The following AHCTF1 variants were observed in gnomAD, a reference collection of about 807,000 sequenced individuals.
AHCTF1 encodes the protein AT-hook containing transcription factor 1.
AHCTF1 carries 24 observed loss-of-function variants against 248.4 expected under a neutral mutation model. The ratio of observed to expected loss-of-function variants is 0.10; its 90% confidence interval spans 0.07 to 0.14. AHCTF1 has a LOEUF of 0.14. AHCTF1 is among the 10% of genes least tolerant of loss of function. AHCTF1 has a pLI of 1.00. For synonymous variants in AHCTF1, 786 were observed against 929.8 expected (o/e 0.85, Z 2.81); for missense variants, 2,206 against 2,636.2 (o/e 0.84, Z 3.57).
At position 246,851,218 on chromosome 1, in the gene AHCTF1, C is replaced by T. The variant is rs775867832; in HGVS notation, c.4788G>A (p.Leu1596=). 1.2e-6 allele frequency: 2 copies of T among 1,613,914 alleles called. No individual in the cohort carries two copies. Among genetic ancestry groups the T allele is most frequent in the East Asian group, 4.5e-5 (2 of 44,870 alleles). ...GCTCAACTTCTCCTTCTTCACCTTC[C>T]AATATCAAGGTAAAGTTGCTTTGAG... ...FVAQSNFTLI[L]EGEEGEVEPG... The change falls in exon 33 of 36, where the codon TTG becomes TTA. Residue 1596 remains leucine (L), a synonymous_variant. Coordinates refer to ENST00000648844, the MANE Select transcript of AHCTF1 (RefSeq NM_001323342.2).
Position 246,885,678 on chromosome 1 carries a change from A to G in AHCTF1, c.2475T>C (p.Ser825=). The G allele has an allele frequency of 6.2e-7, 1 of 1,607,008 alleles. No individual in the cohort carries two copies. The highest frequency in any genetic ancestry group is 8.5e-7 in the Non-Finnish European group (1 of 1,175,858). Reference sequence around the variant, plus strand: ...CTGGATGAAACAAAAGATCCAAACCACTCTGGAAATAACATGAAAAATGTT... The same window carrying G: ...CTGGATGAAACAAAAGATCCAAACCGCTCTGGAAATAACATGAAAAATGTT... ...FWLIDHNDYE[S]GLDLLFHPAT... The change falls in exon 21 of 36, where the codon AGT becomes AGC. Residue 825 remains serine (S), a splice_region_variant and synonymous_variant. Transcript: ENST00000648844.
chr1:246,858,628 GA>G (rs559822556), intron 29 of AHCTF1, among the ~76,000 whole-genome samples: 71 of 151,682 alleles, frequency 4.7e-4, no homozygotes, highest in African/African-American at 1.7e-3. Context: ...AGGAGTTCGA[GA>G]CCAGCCTGGC....
intron 19 of AHCTF1, 111 bp from the exon 20 acceptor site, chr1:246,887,468 GT>G: frequency 1.9e-6 from 2 of 1,081,034 alleles, no homozygotes; most frequent in Non-Finnish European, 2.6e-6. Flanking sequence ...TGAAATGCCT[GT>G]TTTTAGTGTT....
chr1:246,853,381 C>T, intron 31 of AHCTF1, 82 bp from the exon 32 acceptor site: 1 of 1,110,210 alleles, frequency 9.0e-7, no homozygotes, highest in Non-Finnish European at 1.3e-6. Context: ...AAGGAAAAGG[C>T]TACACTGCAC....
rs779507700 is a variant in AHCTF1 at position 246,913,423 on chromosome 1, T to C, written c.376-11A>G. 1 of 1,590,596 alleles carries C rather than the reference T, an allele frequency of 6.3e-7. No individual in the cohort carries two copies. Among genetic ancestry groups the C allele is most frequent in the Admixed American group, 1.8e-5 (1 of 56,114 alleles). ...TTCAATAGCTGTTACCTAGAAAACA[T>C]AATACGTGATTTGCTTTTCTTCTGC... is the stretch of plus-strand genomic sequence containing the variant. On this transcript the variant is annotated splice_polypyrimidine_tract_variant and intron_variant, in intron 3 of 35. Transcript: ENST00000648844.
chr1:246,901,546 C>T (rs889306216), intron 8 of AHCTF1, among the ~76,000 whole-genome samples: 1 of 152,170 alleles, frequency 6.6e-6, no homozygotes, highest in African/African-American at 2.4e-5. Flanking sequence ...ATGGCATGAA[C>T]CCCGGAGGCG....
At chr1:246,868,608 T>C (rs921875909) in intron 24 of AHCTF1, among the ~76,000 whole-genome samples, 2 of 99,484 alleles carry the variant, frequency 2.0e-5, no homozygotes, top group African/African-American at 1.5e-4. Flanking sequence ...TTTTGGTAAG[T>C]GGTAAAAAAA....
At chr1:246,872,352 C>T (rs375642977) in intron 24 of AHCTF1, among the ~76,000 whole-genome samples, 2 of 151,996 alleles carry the variant, frequency 1.3e-5, no homozygotes, top group African/African-American at 4.8e-5. Context: ...GCCCCAGGAC[C>T]CAAAAACTTC....
At chr1:246,871,614 C>T (rs922631532) in intron 24 of AHCTF1, among the ~76,000 whole-genome samples, 4 of 152,202 alleles carry the variant, frequency 2.6e-5, no homozygotes, top group Admixed American at 2.0e-4. Flanking sequence ...CTCTGTGAAC[C>T]CTGACTAGAT....
intron 1 of AHCTF1, 141 bp from the exon 2 acceptor site, chr1:246,918,518 A>T (rs1221591684): frequency 1.2e-6 from 1 of 846,620 alleles, no homozygotes; most frequent in Non-Finnish European, 1.7e-6. Flanking sequence ...CATATTGGCC[A>T]GATGCGGAGG....
intron 31 of AHCTF1, 64 bp downstream of exon 31, chr1:246,855,666 C>T (rs990775564): frequency 1.6e-5 from 21 of 1,282,640 alleles, no homozygotes; most frequent in Non-Finnish European, 2.2e-5. Flanking sequence ...GTTCTAAGAA[C>T]AGAAAACTCT....
rs767247666 is a variant in AHCTF1, at chr1:246,876,990, G to C, written c.2897C>G (p.Pro966Arg). Reference sequence around the variant, plus strand: ...CAGAGTTTGGTTCAGCTTCAAGGCAGGCACATAATTGGCACGCTGCAAATG... The same window carrying C: ...CAGAGTTTGGTTCAGCTTCAAGGCACGCACATAATTGGCACGCTGCAAATG... ...VHHLQRANYV[P>R]ALKLNQTLKI... The change falls in exon 23 of 36, where the codon CCT becomes CGT. Residue 966 changes from proline (P) to arginine (R), a missense_variant. Coordinates refer to ENST00000648844, the MANE Select transcript of AHCTF1 (RefSeq NM_001323342.2). The C allele has an allele frequency of 6.2e-7, 1 of 1,612,044 alleles. No homozygotes were observed. The highest frequency in any genetic ancestry group is 8.5e-7 in the Non-Finnish European group (1 of 1,179,918).
rs1360086012 is a variant in AHCTF1, at chr1:246,849,996, T to C, written c.6010A>G (p.Ser2004Gly). Reference sequence around the variant, plus strand: ...TTTCTTGTAGATCTCCTTCTAATGCTGGGAGCTTCTTTCTTCTTGGGGCTT... The same window carrying C: ...TTTCTTGTAGATCTCCTTCTAATGCCGGGAGCTTCTTTCTTCTTGGGGCTT... ...ERSPKKKEAP[S>G]IRRRSTRNTP... is the part of the protein sequence containing the mutation. Residue 2004 changes from serine to glycine, a missense_variant, in exon 33 of 36, where the codon AGC (serine) becomes GGC (glycine). Coordinates refer to ENST00000648844, the MANE Select transcript of AHCTF1 (RefSeq NM_001323342.2). 1 of 1,613,698 alleles carries C rather than the reference T, an allele frequency of 6.2e-7. No homozygotes were observed. Among genetic ancestry groups the C allele is most frequent in the South Asian group, 1.1e-5 (1 of 91,038 alleles).
In AHCTF1 at chr1:246,899,440, T is replaced by C. The variant is rs2103166886; in HGVS notation, c.1494+11A>G. Reference sequence around the variant, plus strand: ...TTCAGTTCAATTAAGAAATCACTAGTTGTTACCTACCTCCTTCTGAAAGCC... The same window carrying C: ...TTCAGTTCAATTAAGAAATCACTAGCTGTTACCTACCTCCTTCTGAAAGCC... On this transcript the variant is annotated intron_variant, in intron 11 of 35. Coordinates refer to ENST00000648844, the MANE Select transcript of AHCTF1 (RefSeq NM_001323342.2). 6.3e-7 allele frequency: 1 copy of C among 1,597,266 alleles called. No individual in the cohort carries two copies. Among genetic ancestry groups the C allele is most frequent in the Non-Finnish European group, 8.5e-7 (1 of 1,170,364 alleles).
chr1:246,893,091 A>G (rs925090555), intron 14 of AHCTF1, among the ~76,000 whole-genome samples: 3 of 152,196 alleles, frequency 2.0e-5, no homozygotes, highest in Non-Finnish European at 2.9e-5. Context: ...CCAACACTAC[A>G]TTATTCTCAA....
intron 34 of AHCTF1, 79 bp downstream of exon 34, chr1:246,843,716 A>G: frequency 5.1e-6 from 3 of 587,282 alleles, no homozygotes; most frequent in Non-Finnish European, 6.5e-6. Context: ...AAATTTAAAT[A>G]AAATAATTTT....
At position 246,839,803 on chromosome 1, in the gene AHCTF1, T is replaced by G. The variant is rs1334956704; in HGVS notation, c.*1003A>C. ...GATGAGTGTTAGAGCCTACATCAAG[T>G]ACCATTGCTTAATTGCACACAGTTG... On this transcript the variant is annotated 3_prime_UTR_variant, in exon 36 of 36. Coordinates refer to ENST00000648844, the MANE Select transcript of AHCTF1 (RefSeq NM_001323342.2). The G allele has an allele frequency of 2.0e-5, 3 of 153,138 alleles. No individual in the cohort carries two copies. The highest frequency in any genetic ancestry group is 4.4e-5 in the Non-Finnish European group (3 of 68,486). The allele number at this position is 153,138 out of a possible 1,614,324, so 9.5% of individuals were successfully genotyped here.
At chr1:246,861,928 T>A (rs1661583355) in intron 28 of AHCTF1, 31 bp downstream of exon 28, 1 of 1,558,868 alleles carries the variant, frequency 6.4e-7, no homozygotes, top group Non-Finnish European at 8.8e-7. Flanking sequence ...TATTAAAAAA[T>A]GTCTTTTCTC....
At chr1:246,867,608 G>A (rs1490329411) in intron 25 of AHCTF1, 53 bp downstream of exon 25, 3 of 1,582,298 alleles carry the variant, frequency 1.9e-6, no homozygotes, top group South Asian at 2.3e-5. Flanking sequence ...CGCTGTTGAT[G>A]TCCAGTAAAG....
Sources: gnomAD v4.1 joint callset for allele counts (sites outside exome capture counted in the v4.1 genomes callset) on GRCh38, gnomAD v4.1.1 for gene constraint, MANE v1.5 for transcripts, NCBI Gene and HGNC (gene_info 2026-07-23, HGNC 2026-07-21) for gene names.